Variants in BAHCC1 observed in about 807,000 individuals in gnomAD.
BAHCC1 encodes BAH domain and coiled-coil containing 1, also known as BAH and coiled-coil domain-containing protein 1.
A neutral mutation model predicts 88.2 loss-of-function variants in BAHCC1; 43 were observed. The ratio of observed to expected loss-of-function variants is 0.49; its 90% confidence interval spans 0.38 to 0.63. The LOEUF is 0.63. BAHCC1 is among the 20% of genes least tolerant of loss of function. The pLI, the probability that BAHCC1 is intolerant of heterozygous loss-of-function variation, is 0.00. For synonymous variants in BAHCC1, 1,510 were observed against 745.5 expected (o/e 2.03, Z -16.71); for missense variants, 3,023 against 1,654.8 (o/e 1.83, Z -14.34).
chr17:81,398,344 G>A (rs1555645254), intron 1 of BAHCC1, among the ~76,000 whole-genome samples: 1 of 152,210 alleles, frequency 6.6e-6, no homozygotes, highest in African/African-American at 2.4e-5. Context: ...CGCGTTGGGT[G>A]GGGGTGGAAG....
intron 2 of BAHCC1, among the ~76,000 whole-genome samples, chr17:81,403,882 T>C (rs1414993403): frequency 6.6e-6 from 1 of 152,210 alleles, no homozygotes; most frequent in Non-Finnish European, 1.5e-5. Flanking sequence ...CTGTTTGGAA[T>C]GTGGGTTTCC....
rs374297742 is a variant in BAHCC1, at chr17:81,442,583, G to A, written c.1234G>A (p.Glu412Lys). 7 of 770,642 alleles carry A rather than the reference G, an allele frequency of 9.1e-6. No homozygotes were observed. The highest frequency in any genetic ancestry group is 5.1e-5 in the African/African-American group (3 of 58,940). 47.7% of individuals were successfully genotyped at this position (770,642 alleles called of 1,614,324 possible). ...CAAGGGCCGCCCCTTCCAGGCCGCC[G>A]AGGCCTGTGCCGTGGCAGGGGAGGG... ...ADKGRPFQAA[E>K]ACAVAGEGKD... The change falls in exon 5 of 28, where the codon GAG becomes AAG. Residue 412 changes from glutamate to lysine, a missense_variant. Glu to Lys is a moderately conservative substitution (Grantham distance 56). Coordinates refer to ENST00000675386, the MANE Select transcript of BAHCC1 (RefSeq NM_001377448.1).
chr17:81,444,895 G>T, intron 8 of BAHCC1, 69 bp downstream of exon 8: 1 of 712,322 alleles, frequency 1.4e-6, no homozygotes, highest in South Asian at 1.5e-5. Flanking sequence ...CCGGGGGTGT[G>T]CTGGCCAGGG....
intron 1 of BAHCC1, chr17:81,396,683 A>C (rs1157944219): frequency 6.6e-6 from 1 of 152,190 alleles, no homozygotes; most frequent in Non-Finnish European, 1.5e-5. Flanking sequence ...AAAGCAGGAA[A>C]CAAAGCAAAC....
Position 81,438,372 on chromosome 17 carries a change from C to G in BAHCC1, c.361C>G (p.Pro121Ala), listed in dbSNP as rs782415283. The G allele has an allele frequency of 2.6e-6, 2 of 778,560 alleles. No individual in the cohort carries two copies. The highest frequency in any genetic ancestry group is 4.8e-6 in the Non-Finnish European group (2 of 417,626). The allele number at this position is 778,560 out of a possible 1,614,324, so 48.2% of individuals were successfully genotyped here. A position where few individuals can be genotyped will look rare whatever the true frequency, so the allele number is the denominator to read the frequency against. Residue 121 changes from proline (P) to alanine (A), a missense_variant and splice_region_variant, in exon 4 of 28, where the codon CCG (proline) becomes GCG (alanine). Pro to Ala is a conservative substitution (Grantham distance 27). Coordinates refer to ENST00000675386, the MANE Select transcript of BAHCC1 (RefSeq NM_001377448.1). The part of the protein sequence containing the change: ...QIWFSHSHEA[P>A]GYPRFSGSLA... ...AACTGGGTCTCTTGCTTCTCTAGCT[C>G]CGGGGTACCCCAGATTTTCGGGGAG...
Position 81,443,246 on chromosome 17 carries a change from A to G in BAHCC1, c.1897A>G (p.Met633Val), listed in dbSNP as rs782128928. 7.7e-6 allele frequency: 6 copies of G among 779,380 alleles called. No individual in the cohort carries two copies. Among genetic ancestry groups the G allele is most frequent in the South Asian group, 1.3e-5 (1 of 74,634 alleles). 48.3% of individuals were successfully genotyped at this position (779,380 alleles called of 1,614,324 possible). The change falls in exon 5 of 28, where the codon ATG (methionine) becomes GTG (valine). Residue 633 changes from methionine to valine, a missense_variant. Physicochemically the swap from Met to Val is conservative, Grantham distance 21. Transcript: ENST00000675386. ...TGCGCCGCCGGACGAGGTCTCAGCC[A>G]TGAAGAACCTGCTCAAATACAGCAG... ...LPAPPDEVSA[M>V]KNLLKYSSQA...
At chr17:81,414,584 C>T (rs567153145) in intron 2 of BAHCC1, among the ~76,000 whole-genome samples, 1 of 152,308 alleles carries the variant, frequency 6.6e-6, no homozygotes, top group South Asian at 2.1e-4. Context: ...CCTAGGAACG[C>T]CGAGTTTTTA....
intron 26 of BAHCC1, among the ~76,000 whole-genome samples, chr17:81,462,292 T>C (rs11150787): frequency 1 from 152,294 of 152,364 alleles, 76,112 homozygotes; most frequent in East Asian, 1. Flanking sequence ...GGGCCGGGCC[T>C]GAGCTGCACT....
In BAHCC1 at chr17:81,403,804, G is replaced by A. The variant is rs1389531176; in HGVS notation, c.178+3887G>A. ...GTTGCCGCGAGCCCAAAGGAGCTACGGGAATCCGGGAATGTGGGGCCGCGT... is the reference window on the plus strand; with the variant it reads ...GTTGCCGCGAGCCCAAAGGAGCTACAGGAATCCGGGAATGTGGGGCCGCGT... On this transcript the variant is annotated intron_variant, in intron 2 of 27. Coordinates refer to ENST00000675386, the MANE Select transcript of BAHCC1 (RefSeq NM_001377448.1). Among the ~76,000 whole-genome samples the A allele has an allele frequency of 3.3e-5, 5 of 152,168 alleles. No homozygotes were observed. In the South Asian group the frequency reaches 6.2e-4, roughly 19 times the overall value.
At chr17:81,403,425 GGGA>G in intron 2 of BAHCC1, among the ~76,000 whole-genome samples, 1 of 151,870 alleles carries the variant, frequency 6.6e-6, no homozygotes, top group Non-Finnish European at 1.5e-5. Context: ...TCCTTCTGGT[GGGA>G]GAACTGCAAA....
chr17:81,398,398 G>C (rs1197126578), intron 1 of BAHCC1, among the ~76,000 whole-genome samples: 3 of 152,228 alleles, frequency 2.0e-5, no homozygotes, highest in African/African-American at 7.2e-5. Flanking sequence ...GGTCCGGGCA[G>C]GGTCTGCTGG....
chr17:81,403,599 T>G (rs1223699385), intron 2 of BAHCC1, among the ~76,000 whole-genome samples: 1 of 152,100 alleles, frequency 6.6e-6, no homozygotes, highest in Non-Finnish European at 1.5e-5. Context: ...CAGGCTCCTC[T>G]CCCTCATCAT....
intron 3 of BAHCC1, 149 bp from the exon 4 acceptor site, chr17:81,438,221 G>A (rs2064362660): frequency 4.7e-6 from 3 of 635,682 alleles, no homozygotes; most frequent in Non-Finnish European, 5.7e-6. Flanking sequence ...ATGTATTGAT[G>A]GGTTGATTTC....
At chr17:81,433,553 CT>C (rs782671105) in intron 3 of BAHCC1, among the ~76,000 whole-genome samples, 1 of 149,306 alleles carries the variant, frequency 6.7e-6, no homozygotes, top group Non-Finnish European at 1.5e-5. Context: ...ACCGAGGCCC[CT>C]CCTGTGCTTA....
rs369588790 is a variant in BAHCC1 at position 81,461,259 on chromosome 17, G to A, written c.6596G>A (p.Arg2199Gln). ...AGGGTGGAGGCCGAGAAGGGTGGGC[G>A]GCGGCGGGCGGGCGGTGAGTTCCTG... ...AERVEAEKGG[R>Q]RRAGGEFLVK... Residue 2199 changes from arginine to glutamine, a missense_variant, in exon 26 of 28, where the codon CGG becomes CAG. Physicochemically the swap from Arg to Gln is conservative, Grantham distance 43 (BLOSUM62 1). Coordinates refer to ENST00000675386, the MANE Select transcript of BAHCC1 (RefSeq NM_001377448.1). 429 of 699,074 alleles carry A rather than the reference G, an allele frequency of 6.1e-4. 6 individuals are homozygous for A. The highest frequency in any genetic ancestry group is 5.1e-3 in the South Asian group (329 of 64,506). The allele number at this position is 699,074 out of a possible 1,614,324, so 43.3% of individuals were successfully genotyped here. A position where few individuals can be genotyped will look rare whatever the true frequency, so the allele number is the denominator to read the frequency against.
chr17:81,442,046 G>A lies in BAHCC1; in HGVS notation c.697G>A (p.Ala233Thr), dbSNP rs782178036. Residue 233 changes from alanine (A) to threonine (T), a missense_variant, in exon 5 of 28, where the codon GCT becomes ACT. Transcript: ENST00000675386. ...GGGCAGAGAGAAGGCGGGCAAGGCC[G>A]CTGAGGGCAAGGAGCGGCCAGCGGC... ...ELGREKAGKA[A>T]EGKERPAAEE... 189 of 718,218 alleles carry A rather than the reference G, an allele frequency of 2.6e-4. 2 individuals are homozygous for A. The East Asian group carries it at 4.5e-3, about 17-fold the overall frequency. 44.5% of individuals were successfully genotyped at this position (718,218 alleles called of 1,614,324 possible). A position where few individuals can be genotyped will look rare whatever the true frequency, so the allele number is the denominator to read the frequency against.
chr17:81,411,682 C>G lies in BAHCC1; in HGVS notation c.178+11765C>G. 6.0e-6 allele frequency: 2 copies of G among 336,118 alleles called. No individual in the cohort carries two copies. Among genetic ancestry groups the G allele is most frequent in the South Asian group, 4.5e-5 (2 of 44,900 alleles). 20.8% of individuals were successfully genotyped at this position (336,118 alleles called of 1,614,324 possible). Reference sequence around the variant, plus strand: ...CATTCCAGACCTGAGGCCCTCCAGGCAGCTCCCCTTCCACTCTGCCCAGCC... The same window carrying G: ...CATTCCAGACCTGAGGCCCTCCAGGGAGCTCCCCTTCCACTCTGCCCAGCC... On this transcript the variant is annotated intron_variant, in intron 2 of 27. Coordinates refer to ENST00000675386, the MANE Select transcript of BAHCC1 (RefSeq NM_001377448.1). The surrounding 1 kb of genome is among the most constrained non-coding windows in gnomAD (Gnocchi z 6.2).
In BAHCC1 at chr17:81,461,631, C is replaced by T. The variant is rs868937530; in HGVS notation, c.6968C>T (p.Ser2323Leu). Residue 2323 changes from serine (S) to leucine (L), a missense_variant, in exon 26 of 28, where the codon TCG becomes TTG. Coordinates refer to ENST00000675386, the MANE Select transcript of BAHCC1 (RefSeq NM_001377448.1). Reference protein sequence around the residue: ...RLSVSSSSSGSSTSSSSGSVS... With the variant: ...RLSVSSSSSGLSTSSSSGSVS... ...TCCGTGTCCTCTTCCTCCTCTGGCT[C>T]GTCCACCTCCTCCTCCTCAGGCTCC... 1.4e-5 allele frequency: 10 copies of T among 739,220 alleles called. No individual in the cohort carries two copies. The highest frequency in any genetic ancestry group is 3.9e-5 in the Admixed American group (2 of 51,796). The allele number at this position is 739,220 out of a possible 1,614,324, so 45.8% of individuals were successfully genotyped here. A position where few individuals can be genotyped will look rare whatever the true frequency, so the allele number is the denominator to read the frequency against.
chr17:81,416,460 GGT>G (rs151241907), intron 2 of BAHCC1, among the ~76,000 whole-genome samples: 6 of 122,326 alleles, frequency 4.9e-5, no homozygotes, highest in African/African-American at 1.3e-4. Flanking sequence ...GTCCATTGAG[GGT>G]GTGTGTGTGT....
Sources: gnomAD v4.1 joint callset for allele counts (sites outside exome capture counted in the v4.1 genomes callset) on GRCh38, gnomAD v4.1.1 for gene constraint, Gnocchi (gnomAD v3.1) non-coding constraint, MANE v1.5 for transcripts, NCBI Gene and HGNC (gene_info 2026-07-23, HGNC 2026-07-21) for gene names.